The following DOK6 variants were observed in gnomAD, a reference collection of about 807,000 sequenced individuals.
DOK6 encodes docking protein 6.
A neutral mutation model predicts 44.0 loss-of-function variants in DOK6; 22 were observed. That is an observed-to-expected ratio of 0.50 (90% CI 0.36 to 0.71). The LOEUF is 0.71. Ranked by LOEUF, DOK6 falls within the 30% of genes least tolerant of loss-of-function variation. DOK6 has a pLI of 0.00. For missense variants in DOK6, 340 were observed against 416.4 expected, an observed-to-expected ratio of 0.82 and a Z score of 1.60; for synonymous variants, 166 against 145.5, an observed-to-expected ratio of 1.14 and a Z score of -1.01.
At position 69,611,572 on chromosome 18, in the gene DOK6, G is replaced by A. The variant is rs190180900; in HGVS notation, c.289+12074G>A. On this transcript the variant is annotated intron_variant, in intron 3 of 7. Coordinates refer to ENST00000382713, the MANE Select transcript of DOK6 (RefSeq NM_152721.6). ...CTTTATTTGTAAGAGCCCCAAACTG[G>A]AAAGAACTCAGATGTCCTTCAACAA... is the stretch of plus-strand genomic sequence containing the variant. 1.8e-3 allele frequency among the ~76,000 whole-genome samples: 265 copies of A among 151,428 alleles called. 1 individual carries two copies. The highest frequency in any genetic ancestry group is 5.7e-3 in the African/African-American group (235 of 41,230).
rs1982342308 is a variant in DOK6 at position 69,544,229 on chromosome 18, GC to G, written c.67-20256del. ...GCTGAGATCGAGCCATTGCACTCCA[GC>G]CTGGGTGACAGGGCAAGACTCCATC... On this transcript the variant is annotated intron_variant, in intron 1 of 7. Transcript: ENST00000382713. Among the ~76,000 whole-genome samples the G allele has an allele frequency of 2.0e-5, 3 of 150,036 alleles. No individual in the cohort carries two copies. In the Middle Eastern group the frequency reaches 0.01, roughly 510 times the overall value.
chr18:69,577,090 C>T lies in DOK6; in HGVS notation c.174+12496C>T, dbSNP rs186536220. Among the ~76,000 whole-genome samples, 23 of 152,180 alleles carry T rather than the reference C, an allele frequency of 1.5e-4. No individual in the cohort carries two copies. The East Asian group carries it at 4.4e-3, about 29-fold the overall frequency. ...CATCATTTTATTCTCTTTGTTTGGC[C>T]TTGGCAGTATTTATCCTTAGGTAAA... On this transcript the variant is annotated intron_variant, in intron 2 of 7. Coordinates refer to ENST00000382713, the MANE Select transcript of DOK6 (RefSeq NM_152721.6).
chr18:69,651,521 C>T (rs1473618465), intron 3 of DOK6, among the ~76,000 whole-genome samples: 1 of 141,006 alleles, frequency 7.1e-6, no homozygotes, highest in African/African-American at 2.7e-5. Flanking sequence ...CAGAGTCTTG[C>T]CTTGTCACCC....
intron 1 of DOK6, among the ~76,000 whole-genome samples, chr18:69,415,087 G>A (rs1031674506): frequency 7.9e-5 from 12 of 152,004 alleles, no homozygotes; most frequent in African/African-American, 2.7e-4. Flanking sequence ...TACTTTACAA[G>A]ATCAAAAGAG....
intron 1 of DOK6, among the ~76,000 whole-genome samples, chr18:69,551,882 C>T (rs1277806502): frequency 2.6e-5 from 4 of 152,070 alleles, no homozygotes; most frequent in South Asian, 2.1e-4. Context: ...AATGTTCTTA[C>T]GTTTAGAAAA....
chr18:69,811,262 C>A (rs575750150), intron 7 of DOK6, among the ~76,000 whole-genome samples: 16 of 151,736 alleles, frequency 1.1e-4, no homozygotes, highest in Non-Finnish European at 2.1e-4. Context: ...AAAGTTGAAC[C>A]CACAGAAGCA....
chr18:69,471,456 G>A (rs1474659898), intron 1 of DOK6: 2 of 151,904 alleles, frequency 1.3e-5, no homozygotes, highest in Non-Finnish European at 2.9e-5. Flanking sequence ...AAAGGTCAGT[G>A]GGAGACTTAA....
chr18:69,536,499 T>C (rs1330068369), intron 1 of DOK6, among the ~76,000 whole-genome samples: 1 of 151,420 alleles, frequency 6.6e-6, no homozygotes, highest in Non-Finnish European at 1.5e-5. Flanking sequence ...AATATCCATT[T>C]AGCCATGTAT....
intron 2 of DOK6, among the ~76,000 whole-genome samples, chr18:69,587,072 G>A (rs1037321493): frequency 2.0e-5 from 3 of 152,040 alleles, no homozygotes; most frequent in South Asian, 2.1e-4. Flanking sequence ...TCTATTTTAC[G>A]TTCATGTAAT....
At chr18:69,435,140 AG>A (rs967547158) in intron 1 of DOK6, among the ~76,000 whole-genome samples, 1 of 151,922 alleles carries the variant, frequency 6.6e-6, no homozygotes, top group Non-Finnish European at 1.5e-5. Flanking sequence ...ATCCACAATG[AG>A]GTTGCAGCTG....
intron 1 of DOK6, among the ~76,000 whole-genome samples, chr18:69,539,892 C>T (rs1466214962): frequency 1.3e-5 from 2 of 151,968 alleles, no homozygotes; most frequent in Non-Finnish European, 2.9e-5. Context: ...ATACCCGGGA[C>T]TGGGAAAGAG....
chr18:69,527,111 C>T (rs1022909057), intron 1 of DOK6, among the ~76,000 whole-genome samples: 1 of 152,134 alleles, frequency 6.6e-6, no homozygotes, highest in South Asian at 2.1e-4. Flanking sequence ...ACAACTTTAT[C>T]GATTAGATTC....
At chr18:69,417,973 C>T (rs112584483) in intron 1 of DOK6, among the ~76,000 whole-genome samples, 8,140 of 152,160 alleles carry the variant, frequency 0.053, 248 homozygotes, top group Middle Eastern at 0.12. Context: ...GTCAGTTGAA[C>T]AGCTTCACAT....
At chr18:69,579,836 G>A (rs1599203255) in intron 2 of DOK6, among the ~76,000 whole-genome samples, 1 of 151,678 alleles carries the variant, frequency 6.6e-6, no homozygotes, top group South Asian at 2.1e-4. Flanking sequence ...ATTCTCTCAC[G>A]AGGAGAGATC....
intron 3 of DOK6, among the ~76,000 whole-genome samples, chr18:69,638,878 A>T (rs963533318): frequency 1.3e-5 from 2 of 152,202 alleles, no homozygotes; most frequent in African/African-American, 2.4e-5. Flanking sequence ...GGCTAGTTAG[A>T]AGTGGGGATT....
intron 5 of DOK6, among the ~76,000 whole-genome samples, chr18:69,716,157 A>G (rs1429422726): frequency 2.0e-5 from 3 of 152,314 alleles, no homozygotes; most frequent in Middle Eastern, 3.4e-3. Flanking sequence ...CATATCTCCT[A>G]TGGAGGTCAG....
chr18:69,599,278 C>A, intron 2 of DOK6, 106 bp from the exon 3 acceptor site: 1 of 799,600 alleles, frequency 1.3e-6, no homozygotes, highest in South Asian at 2.0e-5. Flanking sequence ...GTACAAATAT[C>A]CCGTGGAAAT....
intron 6 of DOK6, among the ~76,000 whole-genome samples, chr18:69,750,800 C>T (rs1375440794): frequency 2.0e-5 from 3 of 151,926 alleles, no homozygotes; most frequent in African/African-American, 7.3e-5. Context: ...GCATGTTTCA[C>T]AATAGTAAGT....
intron 2 of DOK6, among the ~76,000 whole-genome samples, chr18:69,597,923 T>C (rs1170012135): frequency 6.6e-6 from 1 of 152,246 alleles, no homozygotes; most frequent in African/African-American, 2.4e-5. Context: ...CAAATAAAGA[T>C]GATCAACTGT....
Sources: allele counts gnomAD v4.1 joint callset (sites outside exome capture counted in the v4.1 genomes callset), GRCh38; gene constraint gnomAD v4.1.1; transcripts MANE v1.5; gene names NCBI Gene and HGNC (gene_info 2026-07-23, HGNC 2026-07-21).